Variants in MTURN observed in about 807,000 individuals in gnomAD.
MTURN encodes maturin.
A neutral mutation model predicts 14.9 loss-of-function variants in MTURN; 7 were observed. The ratio of observed to expected loss-of-function variants is 0.47; its 90% CI spans 0.27 to 0.88. MTURN has a LOEUF of 0.88. MTURN is among the 40% of genes least tolerant of loss of function. The probability of loss-of-function intolerance (pLI) is 0.14; values close to 1 mark genes in which losing one functional copy is unlikely to be tolerated. For synonymous variants in MTURN, 69 were observed against 72.5 expected (o/e 0.95, Z 0.25); for missense variants, 151 against 174.1 (o/e 0.87, Z 0.75).
intron 1 of MTURN, among the ~76,000 whole-genome samples, chr7:30,135,840 G>T (rs1796944629): frequency 1.3e-5 from 2 of 152,240 alleles, no homozygotes; most frequent in Admixed American, 1.3e-4. Flanking sequence ...CCGCCCTCGC[G>T]GGTTAGTCCT....
At chr7:30,153,714 A>G (rs1797244121) in intron 2 of MTURN, among the ~76,000 whole-genome samples, 1 of 151,896 alleles carries the variant, frequency 6.6e-6, no homozygotes, top group Admixed American at 6.6e-5. Context: ...CCCCCTTTTT[A>G]TTTTATTTTA....
Position 30,162,009 on chromosome 7 carries a change from A to G in MTURN, c.*4461A>G, listed in dbSNP as rs1294969861. On this transcript the variant is annotated 3_prime_UTR_variant, in exon 3 of 3. Transcript: ENST00000324453. ...AAAAGACAACATATTATTTAACATAATATGTTGTCTTTTATATTTTTATTT... is the reference window on the plus strand; with the variant it reads ...AAAAGACAACATATTATTTAACATAGTATGTTGTCTTTTATATTTTTATTT... 3 of 151,562 alleles carry G rather than the reference A, an allele frequency of 2.0e-5. No individual in the cohort carries two copies. Among genetic ancestry groups the G allele is most frequent in the African/African-American group, 7.3e-5 (3 of 41,278 alleles). The allele number at this position is 151,562 out of a possible 1,614,324, so 9.4% of individuals were successfully genotyped here.
intron 1 of MTURN, among the ~76,000 whole-genome samples, chr7:30,140,415 G>GTGTATATATATATATATATATATC (rs33952294): frequency 7.0e-6 from 1 of 143,732 alleles, no homozygotes; most frequent in East Asian, 2.1e-4. Flanking sequence ...GTGTGTGTGT[G>GTGTATATATATATATATATATATC]TATCCCCATT....
At chr7:30,150,589 T>C (rs990343428) in intron 2 of MTURN, among the ~76,000 whole-genome samples, 4 of 152,230 alleles carry the variant, frequency 2.6e-5, no homozygotes, top group Non-Finnish European at 5.9e-5. Flanking sequence ...TATCAGAAAA[T>C]ATATTTTTTA....
intron 1 of MTURN, among the ~76,000 whole-genome samples, chr7:30,143,053 A>G (rs1033110712): frequency 6.6e-6 from 1 of 152,104 alleles, no homozygotes; most frequent in African/African-American, 2.4e-5. Context: ...TGTTCTCAGG[A>G]GCACCAGCCC....
intron 2 of MTURN, among the ~76,000 whole-genome samples, chr7:30,148,151 C>T (rs1562569562): frequency 6.6e-6 from 1 of 152,072 alleles, no homozygotes; most frequent in Non-Finnish European, 1.5e-5. Context: ...TGTCAGGGGT[C>T]CTGGAATTTT....
At chr7:30,145,928 G>C in intron 1 of MTURN, 2 of 1,551,728 alleles carry the variant, frequency 1.3e-6, no homozygotes, top group East Asian at 4.9e-5. Flanking sequence ...TACTGTGTAG[G>C]AGCAGATCTG....
chr7:30,152,052 C>T (rs1292216991), intron 2 of MTURN, among the ~76,000 whole-genome samples: 1 of 152,186 alleles, frequency 6.6e-6, no homozygotes, highest in African/African-American at 2.4e-5. Flanking sequence ...TCAGAAGCTG[C>T]CTGGGTGGAT....
chr7:30,135,256 C>A lies in MTURN; in HGVS notation c.120C>A (p.Ser40=). The A allele has an allele frequency of 6.6e-7, 1 of 1,523,320 alleles. No homozygotes were observed. The highest frequency in any genetic ancestry group is 8.8e-7 in the Non-Finnish European group (1 of 1,133,772). 94.4% of individuals were successfully genotyped at this position (1,523,320 alleles called of 1,614,324 possible). A position where few individuals can be genotyped will look rare whatever the true frequency, so the allele number is the denominator to read the frequency against. The part of the protein sequence containing the change: ...RMDFYADPGV[S]FYVLCPDNGC... ...ATTTCTACGCCGACCCCGGCGTCTC[C>A]TTCTATGTGCTGTGTCCGGACAACG... is the stretch of plus-strand genomic sequence containing the variant. The change falls in exon 1 of 3, where the codon TCC becomes TCA. Residue 40 remains serine (S), a synonymous_variant. Coordinates refer to ENST00000324453, the MANE Select transcript of MTURN (RefSeq NM_152793.3).
intron 2 of MTURN, among the ~76,000 whole-genome samples, chr7:30,151,567 A>G (rs550834414): frequency 5.1e-4 from 77 of 152,330 alleles, no homozygotes; most frequent in Non-Finnish European, 9.7e-4. Flanking sequence ...TAGCAGTGAA[A>G]CTAGACTTTA....
intron 1 of MTURN, among the ~76,000 whole-genome samples, chr7:30,145,376 T>A (rs1267983173): frequency 6.6e-6 from 1 of 152,064 alleles, no homozygotes; most frequent in Non-Finnish European, 1.5e-5. Context: ...CACCTGTAGT[T>A]CCACCTACTT....
chr7:30,157,872 T>C lies in MTURN; in HGVS notation c.*324T>C, dbSNP rs995409888. ...GAGAATTAACATTCGCTGACTCGAA[T>C]GTAGAGAACTCTGAATGTATTAAGG... On this transcript the variant is annotated 3_prime_UTR_variant, in exon 3 of 3. Coordinates refer to ENST00000324453, the MANE Select transcript of MTURN (RefSeq NM_152793.3). 5.9e-6 allele frequency: 1 copy of C among 169,398 alleles called. No homozygotes were observed. Among genetic ancestry groups the C allele is most frequent in the South Asian group, 1.4e-4 (1 of 7,146 alleles). The allele number at this position is 169,398 out of a possible 1,614,324, so 10.5% of individuals were successfully genotyped here.
intron 1 of MTURN, among the ~76,000 whole-genome samples, chr7:30,136,812 T>C (rs1796970557): frequency 6.6e-6 from 1 of 152,094 alleles, no homozygotes; most frequent in African/African-American, 2.4e-5. Flanking sequence ...GGTATAATAA[T>C]GCCAGCACCC....
chr7:30,155,583 G>A (rs1458315151), intron 2 of MTURN, among the ~76,000 whole-genome samples: 1 of 152,180 alleles, frequency 6.6e-6, no homozygotes, highest in African/African-American at 2.4e-5. Context: ...CCGGGGAGCT[G>A]AGAGCGCTCT....
In MTURN at chr7:30,157,650, A is replaced by G; in HGVS notation, c.*102A>G. 1 of 692,522 alleles carries G rather than the reference A, an allele frequency of 1.4e-6. No individual in the cohort carries two copies. Among genetic ancestry groups the G allele is most frequent in the South Asian group, 2.5e-5 (1 of 40,160 alleles). The allele number at this position is 692,522 out of a possible 1,614,324, so 42.9% of individuals were successfully genotyped here. A position where few individuals can be genotyped will look rare whatever the true frequency, so the allele number is the denominator to read the frequency against. On this transcript the variant is annotated 3_prime_UTR_variant, in exon 3 of 3. Transcript: ENST00000324453. ...TTTTGCATTAGCACTTCGAAATAGG[A>G]CATCTGGCTCCCAGCATCCAAATTA...
intron 1 of MTURN, among the ~76,000 whole-genome samples, chr7:30,145,565 A>G (rs1431529437): frequency 2.0e-5 from 3 of 152,220 alleles, no homozygotes; most frequent in Admixed American, 2.0e-4. Flanking sequence ...TTGTGAAATG[A>G]TGCTTCGGTA....
chr7:30,142,253 C>T (rs142760462), intron 1 of MTURN, among the ~76,000 whole-genome samples: 1 of 152,138 alleles, frequency 6.6e-6, no homozygotes, highest in Admixed American at 6.5e-5. Context: ...GAAGAAGGGT[C>T]GCAGATGGCC....
In MTURN at chr7:30,135,428, C is replaced by T. The variant is rs867559730; in HGVS notation, c.162+130C>T. ...GGGGGGCCGTAACCCGCGCCCCGCG[C>T]CCCGCGTGCTCCGCCGGGGAAGCCC... On this transcript the variant is annotated intron_variant, in intron 1 of 2. Coordinates refer to ENST00000324453, the MANE Select transcript of MTURN (RefSeq NM_152793.3). 611 of 762,992 alleles carry T rather than the reference C, an allele frequency of 8.0e-4. 1 individual carries two copies. The highest frequency in any genetic ancestry group is 3.5e-3 in the Middle Eastern group (7 of 2,028). The allele number at this position is 762,992 out of a possible 1,614,324, so 47.3% of individuals were successfully genotyped here.
intron 2 of MTURN, among the ~76,000 whole-genome samples, chr7:30,150,412 A>G (rs1797190273): frequency 6.6e-6 from 1 of 152,184 alleles, no homozygotes; most frequent in South Asian, 2.1e-4. Flanking sequence ...ACAAGCATTC[A>G]CTGAGTACCT....
Sources: allele counts gnomAD v4.1 joint callset (sites outside exome capture counted in the v4.1 genomes callset), GRCh38; gene constraint gnomAD v4.1.1; transcripts MANE v1.5; gene names NCBI Gene and HGNC (gene_info 2026-07-23, HGNC 2026-07-21).